The following ITGBL1 variants were observed in gnomAD, a reference collection of about 807,000 sequenced individuals.
ITGBL1 encodes the protein integrin beta-like protein 1.
In ITGBL1, 51 loss-of-function variants were observed where a neutral mutation model predicts 68.5. The observed-to-expected ratio is 0.74, with a 90% confidence interval of 0.59 to 0.94. The LOEUF (loss-of-function observed/expected upper bound fraction) is 0.94, where lower values mean the gene tolerates loss of function less well. ITGBL1 is among the 40% of genes least tolerant of loss of function. ITGBL1 has a pLI of 0.00. For missense variants in ITGBL1, 649 were observed against 647.4 expected (o/e 1.00, Z -0.03); for synonymous variants, 209 against 227.3 (o/e 0.92, Z 0.72).
Position 101,554,701 on chromosome 13 carries a change from G to C in ITGBL1, c.317-12998G>C, listed in dbSNP as rs138310596. Among the ~76,000 whole-genome samples, 439 of 152,272 alleles carry C rather than the reference G, an allele frequency of 2.9e-3. 4 individuals carry two copies. The highest frequency in any genetic ancestry group is 0.01 in the African/African-American group (422 of 41,556). ...CAACTCTCCAGGGATATGCAGTTTG[G>C]ACCTGAGGCTCTGTCTTTCCCTGTC... On this transcript the variant is annotated intron_variant, in intron 2 of 10. Coordinates refer to ENST00000376180, the MANE Select transcript of ITGBL1 (RefSeq NM_004791.3).
intron 8 of ITGBL1, among the ~76,000 whole-genome samples, chr13:101,703,802 G>A (rs1186584333): frequency 1.3e-5 from 2 of 152,154 alleles, no homozygotes; most frequent in Non-Finnish European, 2.9e-5. Context: ...GTAGGAGATC[G>A]GTCAGGGTGG....
At chr13:101,641,459 T>C (rs1443481856) in intron 7 of ITGBL1, among the ~76,000 whole-genome samples, 1 of 151,978 alleles carries the variant, frequency 6.6e-6, no homozygotes, top group Admixed American at 6.5e-5. Flanking sequence ...TTTATGTCAT[T>C]GTGGTTTTTA....
chr13:101,483,930 C>T (rs1233759681), intron 2 of ITGBL1, among the ~76,000 whole-genome samples: 2 of 152,164 alleles, frequency 1.3e-5, no homozygotes, highest in Non-Finnish European at 2.9e-5. Flanking sequence ...TCTATTCACA[C>T]AGCAGGGCCT....
chr13:101,645,360 G>A (rs137916310), intron 7 of ITGBL1, among the ~76,000 whole-genome samples: 102 of 152,248 alleles, frequency 6.7e-4, no homozygotes, highest in African/African-American at 2.3e-3. Context: ...CTTTTCAGGA[G>A]CCCACTCAGT....
chr13:101,624,858 A>C (rs1463058825), intron 7 of ITGBL1, among the ~76,000 whole-genome samples: 1 of 152,154 alleles, frequency 6.6e-6, no homozygotes, highest in African/African-American at 2.4e-5. Context: ...TCATTTTCGT[A>C]GGGGGTGGAG....
chr13:101,587,977 G>A (rs972186362), intron 6 of ITGBL1, among the ~76,000 whole-genome samples: 1 of 152,178 alleles, frequency 6.6e-6, no homozygotes, highest in African/African-American at 2.4e-5. Flanking sequence ...TAAAAAGAAA[G>A]AAGTATCCTC....
chr13:101,461,879 A>G (rs1009082612), intron 2 of ITGBL1, among the ~76,000 whole-genome samples: 1 of 152,208 alleles, frequency 6.6e-6, no homozygotes, highest in East Asian at 1.9e-4. Flanking sequence ...TAAACAGCTC[A>G]GATGTCTTTT....
chr13:101,686,199 A>AACC (rs2033750940), intron 7 of ITGBL1, among the ~76,000 whole-genome samples: 2 of 152,028 alleles, frequency 1.3e-5, no homozygotes, highest in African/African-American at 4.8e-5. Context: ...TCCTCCCGGC[A>AACC]ACCACCACCA....
chr13:101,670,347 A>G (rs973276337), intron 7 of ITGBL1, among the ~76,000 whole-genome samples: 14 of 152,204 alleles, frequency 9.2e-5, no homozygotes, highest in Non-Finnish European at 1.6e-4. Context: ...GCAGACAACA[A>G]TCACACTGCA....
At chr13:101,604,879 T>TACACACACACACACACAC (rs1307529776) in intron 7 of ITGBL1, among the ~76,000 whole-genome samples, 6 of 13,316 alleles carry the variant, frequency 4.5e-4, no homozygotes, top group South Asian at 4.3e-3. Flanking sequence ...TATATATATA[T>TACACACACACACACACAC]ATATATATAC....
chr13:101,671,422 C>CTTTTTT (rs1190065334), intron 7 of ITGBL1, among the ~76,000 whole-genome samples: 3 of 117,918 alleles, frequency 2.5e-5, no homozygotes, highest in South Asian at 3.8e-4. Context: ...AAAAGTATAC[C>CTTTTTT]TTTGTTTTTT....
In ITGBL1 at chr13:101,583,207, C is replaced by T. The variant is rs750970818; in HGVS notation, c.728-9C>T. ...ACTGGATTCTTATAAAATTCTTCTT[C>T]CCACCTAGGGACTTGTGTATGTGGT... is the stretch of plus-strand genomic sequence containing the variant. On this transcript the variant is annotated splice_polypyrimidine_tract_variant and intron_variant, in intron 5 of 10. Coordinates refer to ENST00000376180, the MANE Select transcript of ITGBL1 (RefSeq NM_004791.3). 1.3e-5 allele frequency: 21 copies of T among 1,612,090 alleles called. No homozygotes were observed. Among genetic ancestry groups the T allele is most frequent in the Non-Finnish European group, 1.7e-5 (20 of 1,178,840 alleles).
chr13:101,477,924 C>T (rs1582080), intron 2 of ITGBL1, among the ~76,000 whole-genome samples: 21,462 of 151,920 alleles, frequency 0.14, 1,987 homozygotes, highest in East Asian at 0.4. Flanking sequence ...GAAATAATAC[C>T]GATCCTACTT....
At chr13:101,699,118 C>A (rs1159228690) in intron 8 of ITGBL1, among the ~76,000 whole-genome samples, 1 of 152,190 alleles carries the variant, frequency 6.6e-6, no homozygotes, top group African/African-American at 2.4e-5. Flanking sequence ...CAGACTAACC[C>A]TTTCTTAACT....
chr13:101,459,088 G>T (rs2048284027), intron 2 of ITGBL1, among the ~76,000 whole-genome samples: 1 of 152,092 alleles, frequency 6.6e-6, no homozygotes, highest in Admixed American at 6.5e-5. Context: ...TCACAGGAAA[G>T]AACCAGATAA....
chr13:101,628,794 A>G (rs1486143418), intron 7 of ITGBL1, among the ~76,000 whole-genome samples: 2 of 151,426 alleles, frequency 1.3e-5, no homozygotes, highest in African/African-American at 2.4e-5. Flanking sequence ...GGATATCTCT[A>G]TTTTTCATAA....
chr13:101,653,855 CTT>C (rs1336554587), intron 7 of ITGBL1, among the ~76,000 whole-genome samples: 1 of 104,644 alleles, frequency 9.6e-6, no homozygotes, highest in Non-Finnish European at 2.1e-5. Context: ...TGCCCAGCTA[CTT>C]TTTTTGTTTT....
At chr13:101,581,528 A>G (rs1334333373) in intron 5 of ITGBL1, among the ~76,000 whole-genome samples, 2 of 152,226 alleles carry the variant, frequency 1.3e-5, no homozygotes, top group Middle Eastern at 3.4e-3. Flanking sequence ...AAAAAATCAA[A>G]TCATACTGCA....
At chr13:101,569,375 A>G (rs937155971) in intron 3 of ITGBL1, among the ~76,000 whole-genome samples, 1 of 152,294 alleles carries the variant, frequency 6.6e-6, no homozygotes, top group East Asian at 1.9e-4. Flanking sequence ...ACATATCTTA[A>G]AGGAGAAAAC....
Sources: allele counts gnomAD v4.1 joint callset (sites outside exome capture counted in the v4.1 genomes callset), GRCh38; gene constraint gnomAD v4.1.1; transcripts MANE v1.5; gene names NCBI Gene and HGNC (gene_info 2026-07-23, HGNC 2026-07-21).